TMEM196: variants seen among roughly 807,000 people sequenced by gnomAD.
TMEM196 encodes transmembrane protein 196.
TMEM196 carries 17 observed loss-of-function variants against 20.0 expected under a neutral mutation model. The observed-to-expected ratio is 0.85, with a 90% CI of 0.58 to 1.27. The LOEUF is 1.27. TMEM196 is among the 50% of genes most tolerant of loss of function. The pLI is 0.00. For synonymous variants in TMEM196, 113 were observed against 88.9 expected, an observed-to-expected ratio of 1.27 and a Z score of -1.52; for missense variants, 267 against 223.0, an observed-to-expected ratio of 1.20 and a Z score of -1.26.
intron 2 of TMEM196, among the ~76,000 whole-genome samples, chr7:19,727,136 C>T (rs1784025640): frequency 6.6e-6 from 1 of 152,150 alleles, no homozygotes; most frequent in Admixed American, 6.6e-5. Context: ...ACTTATTGAG[C>T]ACTTAGCATC....
intron 1 of TMEM196, among the ~76,000 whole-genome samples, chr7:19,762,619 G>A (rs2128038171): frequency 6.6e-6 from 1 of 152,144 alleles, no homozygotes; most frequent in Admixed American, 6.6e-5. Context: ...TGACTAAAAT[G>A]TACTTGGCTA....
At chr7:19,732,513 C>T (rs983180448) in intron 1 of TMEM196, among the ~76,000 whole-genome samples, 8 of 146,842 alleles carry the variant, frequency 5.4e-5, no homozygotes, top group Admixed American at 2.1e-4. Context: ...GCGGAGCTTG[C>T]AGTGAGCCGA....
chr7:19,753,734 A>G (rs778397456), intron 1 of TMEM196, among the ~76,000 whole-genome samples: 15 of 152,158 alleles, frequency 9.9e-5, no homozygotes, highest in Admixed American at 8.5e-4. Context: ...TTCAAATCCT[A>G]TAGTCTAATA....
chr7:19,732,561 A>G (rs1227113296), intron 1 of TMEM196, among the ~76,000 whole-genome samples: 1 of 146,922 alleles, frequency 6.8e-6, no homozygotes, highest in African/African-American at 2.5e-5. Flanking sequence ...TGACAGATCA[A>G]GACTCCATCT....
At chr7:19,753,395 AT>A (rs1348832871) in intron 1 of TMEM196, among the ~76,000 whole-genome samples, 1 of 152,068 alleles carries the variant, frequency 6.6e-6, no homozygotes, top group East Asian at 1.9e-4. Flanking sequence ...ACCTGCCTTC[AT>A]TTTTGTTTTT....
At chr7:19,737,250 AAAC>A (rs1784437337) in intron 1 of TMEM196, among the ~76,000 whole-genome samples, 1 of 152,010 alleles carries the variant, frequency 6.6e-6, no homozygotes, top group Non-Finnish European at 1.5e-5. Context: ...TTATAAATTT[AAAC>A]AACAGTGAAA....
chr7:19,762,880 C>T (rs890558302), intron 1 of TMEM196, among the ~76,000 whole-genome samples: 3 of 152,166 alleles, frequency 2.0e-5, no homozygotes, highest in African/African-American at 4.8e-5. Context: ...GAATGTTCAT[C>T]CAACATGCAT....
At chr7:19,749,539 A>C (rs553018113) in intron 1 of TMEM196, among the ~76,000 whole-genome samples, 2 of 152,242 alleles carry the variant, frequency 1.3e-5, no homozygotes, top group Non-Finnish European at 1.5e-5. Context: ...TTTTTAAATA[A>C]ATTTTTTTGT....
In TMEM196 at chr7:19,772,589, G is replaced by A. The variant is rs900803152; in HGVS notation, c.108C>T (p.Ala36=). Residue 36 remains alanine, a synonymous_variant, in exon 1 of 5, where the codon GCC becomes GCT. Transcript: ENST00000405844. ...CGAGCTGCGGCTTGTGCTCTCGGAG[G>A]GCCAGGCTGAAGCTGACCGCCCCCA... is the stretch of plus-strand genomic sequence containing the variant. The part of the protein sequence containing the change: ...VAVGAVSFSL[A]LREHKPQLGD... 6.5e-7 allele frequency: 1 copy of A among 1,546,356 alleles called. No individual in the cohort carries two copies. The highest frequency in any genetic ancestry group is 8.7e-7 in the Non-Finnish European group (1 of 1,145,570).
At chr7:19,762,582 A>G (rs936891682) in intron 1 of TMEM196, among the ~76,000 whole-genome samples, 9 of 152,142 alleles carry the variant, frequency 5.9e-5, no homozygotes, top group African/African-American at 2.2e-4. Flanking sequence ...CTTATATTTT[A>G]TGTTTAAGAT....
At chr7:19,755,517 G>T (rs1365063344) in intron 1 of TMEM196, among the ~76,000 whole-genome samples, 1 of 152,156 alleles carries the variant, frequency 6.6e-6, no homozygotes, top group Non-Finnish European at 1.5e-5. Context: ...GTAACAGAGA[G>T]ACTTTGATTT....
intron 1 of TMEM196, among the ~76,000 whole-genome samples, chr7:19,736,552 T>G (rs1784416377): frequency 6.6e-6 from 1 of 151,584 alleles, no homozygotes; most frequent in Admixed American, 6.6e-5. Context: ...TCAGACATCA[T>G]TATTTTTAAA....
intron 1 of TMEM196, among the ~76,000 whole-genome samples, chr7:19,747,849 G>T (rs1416385011): frequency 2.0e-5 from 3 of 152,152 alleles, no homozygotes; most frequent in African/African-American, 4.8e-5. Flanking sequence ...GATGGGATAG[G>T]ATGGAATACA....
chr7:19,750,500 CA>C (rs1784918833), intron 1 of TMEM196, among the ~76,000 whole-genome samples: 1 of 151,920 alleles, frequency 6.6e-6, no homozygotes, highest in Admixed American at 6.6e-5. Flanking sequence ...ATTCGTATCT[CA>C]CAAGAACTCC....
Position 19,725,700 on chromosome 7 carries a change from C to T in TMEM196, c.273G>A (p.Arg91=), listed in dbSNP as rs781432114. Residue 91 remains arginine (R), a synonymous_variant, in exon 3 of 5, where the codon CGG becomes CGA. Transcript: ENST00000405844. ...IGGILNFQFL[R]AVTKKTSSLY... Reference sequence around the variant, plus strand: ...GGGAGGAAGTTTTCTTTGTGACTGCCCGGAGGAACTGAAAATTCAGGATGC... The same window carrying T: ...GGGAGGAAGTTTTCTTTGTGACTGCTCGGAGGAACTGAAAATTCAGGATGC... The T allele has an allele frequency of 6.2e-7, 1 of 1,613,370 alleles. No homozygotes were observed. The highest frequency in any genetic ancestry group is 1.1e-5 in the South Asian group (1 of 91,048).
chr7:19,763,712 C>A (rs764184639), intron 1 of TMEM196, among the ~76,000 whole-genome samples: 2 of 152,132 alleles, frequency 1.3e-5, no homozygotes, highest in Non-Finnish European at 2.9e-5. Context: ...ATAGAAACCA[C>A]ACACAGATTA....
intron 1 of TMEM196, among the ~76,000 whole-genome samples, chr7:19,734,652 G>C (rs1324166662): frequency 6.6e-6 from 1 of 152,182 alleles, no homozygotes; most frequent in Non-Finnish European, 1.5e-5. Context: ...TGAGGCAAAG[G>C]ATGTAGGTGA....
At position 19,729,387 on chromosome 7, in the gene TMEM196, G is replaced by A. The variant is rs1458459278; in HGVS notation, c.199C>T (p.Leu67Phe). 2 of 1,549,924 alleles carry A rather than the reference G, an allele frequency of 1.3e-6. No homozygotes were observed. The highest frequency in any genetic ancestry group is 2.0e-5 in the Admixed American group (1 of 50,880). Residue 67 changes from leucine to phenylalanine, a missense_variant, in exon 2 of 5, where the codon CTT becomes TTT. Transcript: ENST00000405844. ...GILCAKKKSGLVMILFSACCI... is the reference protein window; with the variant it reads ...GILCAKKKSGFVMILFSACCI... The stretch of plus-strand genomic sequence containing the variant: ...CAAACAAATCAAACACTTACGACAA[G>A]TCCTGATTTTTTTTTGGCACACAAT...
chr7:19,731,211 T>C (rs1385096085), intron 1 of TMEM196, among the ~76,000 whole-genome samples: 1 of 152,176 alleles, frequency 6.6e-6, no homozygotes, highest in Admixed American at 6.5e-5. Context: ...ATAGTTAACA[T>C]ACTTTAGAAA....
Sources: gnomAD v4.1 joint callset for allele counts (sites outside exome capture counted in the v4.1 genomes callset) on GRCh38, gnomAD v4.1.1 for gene constraint, MANE v1.5 for transcripts, NCBI Gene and HGNC (gene_info 2026-07-23, HGNC 2026-07-21) for gene names.